Variants in UTRN observed in about 807,000 individuals in gnomAD.
UTRN encodes utrophin.
UTRN carries 283 observed loss-of-function variants against 463.9 expected under a neutral mutation model. The ratio of observed to expected loss-of-function variants is 0.61; its 90% CI spans 0.55 to 0.67. UTRN has a LOEUF of 0.67. UTRN is among the 30% of genes least tolerant of loss of function. The probability of loss-of-function intolerance (pLI) is 0.00; values close to 1 mark genes in which losing one functional copy is unlikely to be tolerated. For missense variants in UTRN, 3,922 were observed against 4,084.3 expected (o/e 0.96, Z 1.08); for synonymous variants, 1,442 against 1,431.5 (o/e 1.01, Z -0.17).
In UTRN at chr6:144,769,340, G is replaced by A. The variant is rs530612981; in HGVS notation, c.8496-2567G>A. ...CTGTTTTTTTTATTTCTGTTGTTTG[G>A]TAAGCAGCAGTTATACTTTTGTAAC... is the stretch of plus-strand genomic sequence containing the variant. On this transcript the variant is annotated intron_variant, in intron 58 of 74. Coordinates refer to ENST00000367545, the MANE Select transcript of UTRN (RefSeq NM_007124.3). Among the ~76,000 whole-genome samples, 4 of 151,848 alleles carry A rather than the reference G, an allele frequency of 2.6e-5. No individual in the cohort carries two copies. The South Asian group carries it at 6.2e-4, about 24-fold the overall frequency.
chr6:144,652,945 C>T (rs571143120), intron 51 of UTRN, among the ~76,000 whole-genome samples: 51 of 152,252 alleles, frequency 3.3e-4, no homozygotes, highest in African/African-American at 1.2e-3. Context: ...TATAATGATG[C>T]CACCCTTTTT....
chr6:144,820,879 T>C lies in UTRN; in HGVS notation c.9358-3T>C, dbSNP rs775992975. On this transcript the variant is annotated splice_polypyrimidine_tract_variant and splice_region_variant and intron_variant, in intron 65 of 74. Coordinates refer to ENST00000367545, the MANE Select transcript of UTRN (RefSeq NM_007124.3). The stretch of plus-strand genomic sequence containing the variant: ...AGAAGTGTAATTGTTTTCAACCTTA[T>C]AGACAACATCTGGGGAAGATGTACG... 20 of 1,612,236 alleles carry C rather than the reference T, an allele frequency of 1.2e-5. No individual in the cohort carries two copies. The highest frequency in any genetic ancestry group is 6.7e-5 in the East Asian group (3 of 44,764).
intron 55 of UTRN, among the ~76,000 whole-genome samples, chr6:144,750,126 C>A (rs1193793098): frequency 6.6e-6 from 1 of 152,120 alleles, no homozygotes; most frequent in African/African-American, 2.4e-5. Context: ...GAGACCCAGA[C>A]CTTTTCAAAG....
At chr6:144,768,948 G>GTTTTT (rs35525101) in intron 58 of UTRN, among the ~76,000 whole-genome samples, 19 of 126,036 alleles carry the variant, frequency 1.5e-4, no homozygotes, top group East Asian at 4.7e-4. Flanking sequence ...TTTGTTTTTT[G>GTTTTT]TTTTGTTTTG....
intron 51 of UTRN, among the ~76,000 whole-genome samples, chr6:144,635,056 G>A (rs570626401): frequency 1.3e-5 from 2 of 149,910 alleles, no homozygotes; most frequent in Non-Finnish European, 3.0e-5. Flanking sequence ...TTAGTCTTTT[G>A]TGTATATATG....
intron 34 of UTRN, among the ~76,000 whole-genome samples, chr6:144,504,575 C>T (rs1051421969): frequency 1.3e-5 from 2 of 151,628 alleles, no homozygotes; most frequent in African/African-American, 4.8e-5. Flanking sequence ...TATTGATTTG[C>T]ATTGAACTAG....
chr6:144,583,994 A>T (rs1028597346), intron 51 of UTRN, among the ~76,000 whole-genome samples: 3 of 152,210 alleles, frequency 2.0e-5, no homozygotes, highest in African/African-American at 7.2e-5. Context: ...ATCTTTCAGT[A>T]GATTTTTAAA....
At chr6:144,781,382 T>A (rs192158509) in intron 60 of UTRN, among the ~76,000 whole-genome samples, 170 of 152,334 alleles carry the variant, frequency 1.1e-3, no homozygotes, top group Middle Eastern at 3.4e-3. Context: ...GGAGAGCTGT[T>A]ATTTTTCTAT....
chr6:144,373,165 G>C (rs896923642), intron 2 of UTRN, among the ~76,000 whole-genome samples: 1 of 152,130 alleles, frequency 6.6e-6, no homozygotes, highest in African/African-American at 2.4e-5. Flanking sequence ...TTCTCTCTAA[G>C]TTTTCTGCCC....
intron 62 of UTRN, 131 bp from the exon 63 acceptor site, chr6:144,793,703 A>G (rs1776960259): frequency 9.3e-7 from 1 of 1,069,786 alleles, no homozygotes; most frequent in Non-Finnish European, 1.3e-6. Context: ...AATTCAGGAG[A>G]CAACGAATCA....
chr6:144,716,215 T>TTTTAAAA lies in UTRN; in HGVS notation c.7810-14142_7810-14141insTTTAAAA. 2.0e-5 allele frequency among the ~76,000 whole-genome samples: 3 copies of TTTTAAAA among 152,170 alleles called. No homozygotes were observed. In the South Asian group the frequency reaches 6.2e-4, roughly 32 times the overall value. Reference sequence around the variant, plus strand: ...AATGAATTGGCATACCTTTAATTGTTGAGATAGCTTTTAAAATATAGCTTT... The same window carrying TTTTAAAA: ...AATGAATTGGCATACCTTTAATTGTTTTTAAAAGAGATAGCTTTTAAAATATAGCTTT... On this transcript the variant is annotated intron_variant, in intron 53 of 74. Transcript: ENST00000367545.
chr6:144,587,942 T>G (rs1585415503), intron 51 of UTRN, among the ~76,000 whole-genome samples: 1 of 152,114 alleles, frequency 6.6e-6, no homozygotes, highest in African/African-American at 2.4e-5. Flanking sequence ...CTTGGTTAGA[T>G]TAGTACAGAA....
At chr6:144,566,286 T>G (rs979121188) in intron 50 of UTRN, among the ~76,000 whole-genome samples, 1 of 152,138 alleles carries the variant, frequency 6.6e-6, no homozygotes, top group African/African-American at 2.4e-5. Context: ...TAAGTTCAGA[T>G]CTTTGTGAGT....
Position 144,631,590 on chromosome 6 carries a change from G to A in UTRN, c.7480-46816G>A, listed in dbSNP as rs74661993. Among the ~76,000 whole-genome samples, 1,232 of 152,284 alleles carry A rather than the reference G, an allele frequency of 8.1e-3. 6 individuals are homozygous for A. The highest frequency in any genetic ancestry group is 0.012 in the Non-Finnish European group (811 of 68,022). On this transcript the variant is annotated intron_variant, in intron 51 of 74. Coordinates refer to ENST00000367545, the MANE Select transcript of UTRN (RefSeq NM_007124.3). ...AGCTTGGCGTATGTATTGGAAAATT[G>A]TGGTAACTTAACAGGTAATCAAGGA... is the stretch of plus-strand genomic sequence containing the variant.
At chr6:144,569,678 C>T (rs1800757660) in intron 50 of UTRN, among the ~76,000 whole-genome samples, 1 of 152,142 alleles carries the variant, frequency 6.6e-6, no homozygotes, top group Non-Finnish European at 1.5e-5. Flanking sequence ...CAGCTTTAAA[C>T]AGGCAAGAAA....
chr6:144,498,988 G>C (rs1317003748), intron 33 of UTRN, among the ~76,000 whole-genome samples: 1 of 152,032 alleles, frequency 6.6e-6, no homozygotes, highest in African/African-American at 2.4e-5. Context: ...CCAATCTTTT[G>C]AGGGCTATAC....
At chr6:144,715,111 T>A (rs996140013) in intron 53 of UTRN, among the ~76,000 whole-genome samples, 1 of 152,202 alleles carries the variant, frequency 6.6e-6, no homozygotes, top group Non-Finnish European at 1.5e-5. Flanking sequence ...TCATCTCTAC[T>A]TGAGTGTGTA....
chr6:144,836,383 A>G lies in UTRN; in HGVS notation c.9907A>G (p.Ile3303Val), dbSNP rs1781105343. 1.4e-6 allele frequency: 2 copies of G among 1,424,788 alleles called. No individual in the cohort carries two copies. The highest frequency in any genetic ancestry group is 2.5e-5 in the East Asian group (1 of 40,164). The allele number at this position is 1,424,788 out of a possible 1,614,324, so 88.3% of individuals were successfully genotyped here. Residue 3303 changes from isoleucine (I) to valine (V), a missense_variant, in exon 71 of 75, where the codon ATA (isoleucine) becomes GTA (valine). Coordinates refer to ENST00000367545, the MANE Select transcript of UTRN (RefSeq NM_007124.3). ...TGTCGGTTCACCGCCAGAGTCGATT[A>G]TATCTCCCCATCACACGTCTGAGGA... ...LPVGSPPESI[I>V]SPHHTSEDSE...
chr6:144,428,967 G>A, intron 8 of UTRN, 74 bp downstream of exon 8: 1 of 1,002,720 alleles, frequency 1.0e-6, no homozygotes, highest in South Asian at 1.8e-5. Context: ...GTGTTTCTTT[G>A]TCCTTTTAAA....
Sources: allele counts gnomAD v4.1 joint callset (sites outside exome capture counted in the v4.1 genomes callset), GRCh38; gene constraint gnomAD v4.1.1; transcripts MANE v1.5; gene names NCBI Gene and HGNC (gene_info 2026-07-23, HGNC 2026-07-21).